The following FOXN3 variants were observed in gnomAD, a reference collection of about 807,000 sequenced individuals.
The protein encoded by FOXN3 is forkhead box N3, also known as forkhead box protein N3.
A neutral mutation model predicts 38.4 loss-of-function variants in FOXN3; 7 were observed. That is an observed-to-expected ratio of 0.18 (90% CI 0.10 to 0.34). FOXN3 has a LOEUF of 0.34. Among genes scored for constraint, FOXN3 ranks in the 10% least tolerant of loss-of-function variants. The pLI, the probability that FOXN3 is intolerant of heterozygous loss-of-function variation, is 1.00. For synonymous variants in FOXN3, 230 were observed against 242.2 expected, an observed-to-expected ratio of 0.95 and a Z score of 0.47; for missense variants, 456 against 613.4, an observed-to-expected ratio of 0.74 and a Z score of 2.71.
chr14:89,377,964 G>A (rs912180503), intron 2 of FOXN3, among the ~76,000 whole-genome samples: 5 of 152,210 alleles, frequency 3.3e-5, no homozygotes, highest in South Asian at 2.1e-4. Context: ...GAAGGCGGCC[G>A]TCTGCAAGCC....
At chr14:89,559,753 G>A (rs1407549301) in intron 1 of FOXN3, among the ~76,000 whole-genome samples, 1 of 152,198 alleles carries the variant, frequency 6.6e-6, no homozygotes, top group Non-Finnish European at 1.5e-5. Context: ...CAGAAGCAAA[G>A]CTCCTCTGAA....
chr14:89,238,184 G>A (rs1397092422), intron 4 of FOXN3, among the ~76,000 whole-genome samples: 7 of 152,124 alleles, frequency 4.6e-5, no homozygotes, highest in African/African-American at 1.2e-4. Context: ...GGGAATCCCC[G>A]CAGGTGAGTT....
intron 3 of FOXN3, among the ~76,000 whole-genome samples, chr14:89,310,648 A>T (rs1566953030): frequency 6.6e-6 from 1 of 152,232 alleles, no homozygotes; most frequent in South Asian, 2.1e-4. Flanking sequence ...AAAGAGAAAC[A>T]GGGATTCTGC....
intron 1 of FOXN3, among the ~76,000 whole-genome samples, chr14:89,566,734 G>A (rs530880970): frequency 6.6e-6 from 1 of 152,128 alleles, no homozygotes; most frequent in East Asian, 1.9e-4. Context: ...ACACCTGGGT[G>A]AAGCCTGTGG....
chr14:89,510,830 C>T (rs1894041625), intron 1 of FOXN3, among the ~76,000 whole-genome samples: 1 of 152,148 alleles, frequency 6.6e-6, no homozygotes, highest in Non-Finnish European at 1.5e-5. Flanking sequence ...TAAATCCCAG[C>T]TACTTTAGTG....
At chr14:89,198,226 C>A (rs192450105) in intron 4 of FOXN3, among the ~76,000 whole-genome samples, 2 of 152,266 alleles carry the variant, frequency 1.3e-5, no homozygotes, top group African/African-American at 2.4e-5. Context: ...CCAAACAATG[C>A]CATCTAACAA....
intron 4 of FOXN3, among the ~76,000 whole-genome samples, chr14:89,278,541 G>T (rs558324899): frequency 6.6e-6 from 1 of 152,026 alleles, no homozygotes; most frequent in East Asian, 1.9e-4. Context: ...CCATAACCCC[G>T]GCTGGCTTCT....
intron 1 of FOXN3, among the ~76,000 whole-genome samples, chr14:89,468,996 C>T (rs1256131470): frequency 1.3e-5 from 2 of 152,192 alleles, no homozygotes; most frequent in Non-Finnish European, 2.9e-5. Context: ...TTCCCAGCCC[C>T]TCTCCAGAAC....
intron 5 of FOXN3, among the ~76,000 whole-genome samples, chr14:89,173,158 G>A (rs1887433649): frequency 6.6e-6 from 1 of 152,112 alleles, no homozygotes; most frequent in African/African-American, 2.4e-5. Context: ...ATGCTAAACA[G>A]GAAATCCATA....
At chr14:89,190,636 T>C (rs1354978376) in intron 4 of FOXN3, among the ~76,000 whole-genome samples, 1 of 152,192 alleles carries the variant, frequency 6.6e-6, no homozygotes, top group Non-Finnish European at 1.5e-5. Flanking sequence ...TATTCTAGAA[T>C]GAGATTTAAG....
chr14:89,273,928 G>A (rs753981950), intron 4 of FOXN3, among the ~76,000 whole-genome samples: 28 of 152,196 alleles, frequency 1.8e-4, no homozygotes, highest in Admixed American at 5.9e-4. Context: ...ATGGAGAGAG[G>A]TTTTCTTATT....
At chr14:89,400,325 C>T (rs1224996772) in intron 2 of FOXN3, among the ~76,000 whole-genome samples, 1 of 151,992 alleles carries the variant, frequency 6.6e-6, no homozygotes, top group African/African-American at 2.4e-5. Flanking sequence ...AGAGGTAATC[C>T]AGAAATCTCT....
chr14:89,269,189 GA>G (rs1886071301), intron 4 of FOXN3, among the ~76,000 whole-genome samples: 1 of 152,158 alleles, frequency 6.6e-6, no homozygotes, highest in Non-Finnish European at 1.5e-5. Context: ...AAATTAGCAG[GA>G]CCAGATCATC....
chr14:89,348,413 A>C (rs911857999), intron 3 of FOXN3, among the ~76,000 whole-genome samples: 1 of 152,210 alleles, frequency 6.6e-6, no homozygotes, highest in Non-Finnish European at 1.5e-5. Context: ...TAAGACACAG[A>C]AATATTGTAC....
chr14:89,296,246 C>A lies in FOXN3; in HGVS notation c.681-15232G>T, dbSNP rs1009148280. On this transcript the variant is annotated intron_variant, in intron 3 of 5. Transcript: ENST00000557258. ...TTATGATACATCTCATGAACAGATG[C>A]AAAGGTGTTTATCATTATCTTTGTG... Among the ~76,000 whole-genome samples the A allele has an allele frequency of 3.3e-5, 5 of 152,136 alleles. No homozygotes were observed. The East Asian group carries it at 7.7e-4, about 23-fold the overall frequency.
intron 4 of FOXN3, among the ~76,000 whole-genome samples, chr14:89,214,373 G>C (rs994429526): frequency 6.6e-6 from 1 of 152,210 alleles, no homozygotes; most frequent in South Asian, 2.1e-4. Flanking sequence ...CCCTTGGCTG[G>C]ACAGAAAGGG....
intron 3 of FOXN3, chr14:89,290,938 C>T: frequency 3.1e-6 from 1 of 326,546 alleles, no homozygotes; most frequent in South Asian, 2.8e-5. Context: ...AAGGTCAGGC[C>T]CTCAGGAGAG....
chr14:89,581,552 T>C (rs540459007), intron 1 of FOXN3, among the ~76,000 whole-genome samples: 1 of 152,184 alleles, frequency 6.6e-6, no homozygotes, highest in Non-Finnish European at 1.5e-5. Context: ...GGGTCACTTG[T>C]ATGATACGTG....
chr14:89,613,592 C>T (rs928657047), intron 1 of FOXN3, among the ~76,000 whole-genome samples: 1 of 152,194 alleles, frequency 6.6e-6, no homozygotes, highest in African/African-American at 2.4e-5. Context: ...ATGCTAGTTT[C>T]ATCTTTGTAA....
Sources: allele counts gnomAD v4.1 joint callset (sites outside exome capture counted in the v4.1 genomes callset), GRCh38; gene constraint gnomAD v4.1.1; transcripts MANE v1.5; gene names NCBI Gene and HGNC (gene_info 2026-07-23, HGNC 2026-07-21).